Variants in MECOM observed in about 807,000 individuals in gnomAD.
MECOM encodes the protein MDS1 and EVI1 complex locus.
Under a neutral mutation model 116.3 loss-of-function variants are expected in MECOM, and 13 were observed. That is an observed-to-expected ratio of 0.11 (90% CI 0.07 to 0.18). MECOM has a LOEUF of 0.18. Ranked by LOEUF, MECOM falls within the 10% of genes least tolerant of loss-of-function variation. MECOM has a pLI of 1.00. For synonymous variants in MECOM, 528 were observed against 535.2 expected (o/e 0.99, Z 0.19); for missense variants, 1,299 against 1,509.0 (o/e 0.86, Z 2.31).
At chr3:169,525,916 C>G (rs1455732481) in intron 1 of MECOM, among the ~76,000 whole-genome samples, 1 of 152,006 alleles carries the variant, frequency 6.6e-6, no homozygotes, top group African/African-American at 2.4e-5. Context: ...GTAATCCCAG[C>G]TACTCTGGAG....
At chr3:169,146,249 T>C in intron 2 of MECOM, 1 of 1,184,184 alleles carries the variant, frequency 8.4e-7, no homozygotes, top group Non-Finnish European at 1.1e-6. Flanking sequence ...GGTCCGAATG[T>C]GACTTTCTCG....
intron 2 of MECOM, among the ~76,000 whole-genome samples, chr3:169,268,126 G>A (rs187195643): frequency 1.3e-5 from 2 of 152,176 alleles, no homozygotes; most frequent in African/African-American, 4.8e-5. Context: ...CATCTACAAT[G>A]TCCTTTACCA....
intron 3 of MECOM, among the ~76,000 whole-genome samples, chr3:169,140,034 T>G (rs1737629919): frequency 6.8e-6 from 1 of 147,856 alleles, no homozygotes; most frequent in Admixed American, 6.7e-5. Context: ...CTTCTGTATG[T>G]AAATGAAACC....
intron 1 of MECOM, among the ~76,000 whole-genome samples, chr3:169,574,486 C>T (rs1764260388): frequency 6.6e-6 from 1 of 152,142 alleles, no homozygotes; most frequent in Admixed American, 6.6e-5. Flanking sequence ...TTAGCCGATG[C>T]AAAACAAGGC....
chr3:169,305,594 C>A (rs1051415073), intron 2 of MECOM, among the ~76,000 whole-genome samples: 1 of 152,204 alleles, frequency 6.6e-6, no homozygotes, highest in Non-Finnish European at 1.5e-5. Flanking sequence ...ACCTGTCTTA[C>A]AATGGACACG....
At chr3:169,348,269 C>A (rs1196949478) in intron 2 of MECOM, among the ~76,000 whole-genome samples, 1 of 152,062 alleles carries the variant, frequency 6.6e-6, no homozygotes, top group African/African-American at 2.4e-5. Flanking sequence ...TTTTTATTCA[C>A]TGAAGTAAAA....
chr3:169,253,648 A>G (rs1482601766), intron 2 of MECOM, among the ~76,000 whole-genome samples: 2 of 152,160 alleles, frequency 1.3e-5, no homozygotes, highest in African/African-American at 4.8e-5. Context: ...TATATACTTC[A>G]TATGATTTTT....
intron 1 of MECOM, among the ~76,000 whole-genome samples, chr3:169,619,855 A>C (rs1363658204): frequency 6.6e-6 from 1 of 152,204 alleles, no homozygotes; most frequent in Non-Finnish European, 1.5e-5. Context: ...TGCTAGTCAT[A>C]AACGTGCAGA....
At chr3:169,606,059 G>C (rs1768504156) in intron 1 of MECOM, among the ~76,000 whole-genome samples, 1 of 152,114 alleles carries the variant, frequency 6.6e-6, no homozygotes, top group Admixed American at 6.5e-5. Flanking sequence ...ATTTAACCTA[G>C]CCCAGATGCC....
intron 2 of MECOM, among the ~76,000 whole-genome samples, chr3:169,244,482 T>C (rs917047636): frequency 6.6e-6 from 1 of 152,192 alleles, no homozygotes; most frequent in African/African-American, 2.4e-5. Flanking sequence ...GATCTAATTT[T>C]TTTCCCCTCC....
At chr3:169,106,184 T>A (rs1012564317) in intron 10 of MECOM, among the ~76,000 whole-genome samples, 26 of 152,174 alleles carry the variant, frequency 1.7e-4, no homozygotes, top group Admixed American at 1.4e-3. Context: ...CACTTGATAA[T>A]CTTGAGAAAT....
At chr3:169,297,528 ATT>A (rs61244191) in intron 2 of MECOM, among the ~76,000 whole-genome samples, 46 of 149,990 alleles carry the variant, frequency 3.1e-4, no homozygotes, top group East Asian at 1.4e-3. Flanking sequence ...GTTACAACTG[ATT>A]TTTTTTTTTT....
intron 2 of MECOM, among the ~76,000 whole-genome samples, chr3:169,303,593 A>T (rs1717159472): frequency 6.6e-6 from 1 of 152,122 alleles, no homozygotes; most frequent in Admixed American, 6.5e-5. Context: ...AGGCATTCAA[A>T]CTCAATTTCT....
intron 2 of MECOM, among the ~76,000 whole-genome samples, chr3:169,190,027 A>G (rs1747308433): frequency 6.6e-6 from 1 of 152,100 alleles, no homozygotes; most frequent in Admixed American, 6.6e-5. Flanking sequence ...GCTGCTTATG[A>G]TAAAACATAA....
chr3:169,470,191 T>C (rs1748975326), intron 1 of MECOM: 1 of 152,182 alleles, frequency 6.6e-6, no homozygotes, highest in African/African-American at 2.4e-5. Flanking sequence ...GCTCTTCAAA[T>C]TAGAAGGTAA....
At chr3:169,145,058 C>T in intron 2 of MECOM, 1 of 1,528,554 alleles carries the variant, frequency 6.5e-7, no homozygotes, top group South Asian at 1.3e-5. Context: ...TATGAATAAG[C>T]CTTTGGCCAT....
At chr3:169,299,492 G>A (rs10513665) in intron 2 of MECOM, among the ~76,000 whole-genome samples, 9,229 of 152,148 alleles carry the variant, frequency 0.061, 782 homozygotes, top group African/African-American at 0.19. Flanking sequence ...GGTTTGAGTC[G>A]CCATTGTATC....
chr3:169,378,487 GAGAAAGAA>G (rs1208249727), intron 2 of MECOM, among the ~76,000 whole-genome samples: 2 of 29,978 alleles, frequency 6.7e-5, no homozygotes, highest in Non-Finnish European at 1.0e-4. Flanking sequence ...GAAAGAGAGA[GAGAAAGAA>G]AGAAAGAAAG....
At chr3:169,447,149 T>C (rs1276728811) in intron 1 of MECOM, among the ~76,000 whole-genome samples, 2 of 152,194 alleles carry the variant, frequency 1.3e-5, no homozygotes, top group Non-Finnish European at 2.9e-5. Flanking sequence ...GAAATTGCTC[T>C]GAACCACCCA....
Sources: gnomAD v4.1 joint callset for allele counts (sites outside exome capture counted in the v4.1 genomes callset) on GRCh38, gnomAD v4.1.1 for gene constraint, MANE v1.5 for transcripts, NCBI Gene and HGNC (gene_info 2026-07-23, HGNC 2026-07-21) for gene names.